The following PDE10A variants were observed in gnomAD, a reference collection of about 807,000 sequenced individuals.
PDE10A encodes cAMP and cAMP-inhibited cGMP 3',5'-cyclic phosphodiesterase 10A.
In PDE10A, 39 loss-of-function variants were observed where a neutral mutation model predicts 97.7. That is an observed-to-expected ratio of 0.40 (90% CI 0.31 to 0.52). PDE10A has a LOEUF of 0.52. PDE10A is among the 20% of genes least tolerant of loss of function. PDE10A has a pLI of 0.56. For missense variants in PDE10A, 731 were observed against 1,047.8 expected (o/e 0.70, Z 4.17); for synonymous variants, 371 against 376.8 (o/e 0.98, Z 0.18).
At chr6:165,791,293 G>A (rs1204740569) in intron 1 of PDE10A, among the ~76,000 whole-genome samples, 1 of 151,928 alleles carries the variant, frequency 6.6e-6, no homozygotes, top group Non-Finnish European at 1.5e-5. Context: ...TCACACCAGT[G>A]AGATCACACA....
chr6:165,749,116 G>T (rs1792907998), intron 1 of PDE10A, among the ~76,000 whole-genome samples: 1 of 91,030 alleles, frequency 1.1e-5, no homozygotes, highest in African/African-American at 3.9e-5. Flanking sequence ...CGTAAGGAGA[G>T]ATTTTGGCAC....
At chr6:165,389,263 A>G (rs1194492427) in intron 16 of PDE10A, among the ~76,000 whole-genome samples, 1 of 152,190 alleles carries the variant, frequency 6.6e-6, no homozygotes, top group African/African-American at 2.4e-5. Flanking sequence ...TTATATATTT[A>G]CAAGATTATT....
chr6:165,618,989 G>GTAGTCTAGTC (rs1327942515), intron 1 of PDE10A, among the ~76,000 whole-genome samples: 7 of 139,890 alleles, frequency 5.0e-5, no homozygotes, highest in Non-Finnish European at 1.1e-4. Flanking sequence ...CTAGTGTAGT[G>GTAGTCTAGTC]TAGTCTAGTG....
At chr6:165,657,583 A>C (rs1790030410) in intron 1 of PDE10A, among the ~76,000 whole-genome samples, 1 of 152,224 alleles carries the variant, frequency 6.6e-6, no homozygotes, top group Non-Finnish European at 1.5e-5. Context: ...TGACTGTTGC[A>C]CTGAGTTTTT....
chr6:165,805,113 G>A (rs1345727095), intron 1 of PDE10A, among the ~76,000 whole-genome samples: 11 of 149,320 alleles, frequency 7.4e-5, no homozygotes, highest in Non-Finnish European at 1.6e-4. Context: ...GAGCAGAGGG[G>A]CGCATGGAGG....
At chr6:165,442,148 T>C (rs1053764888) in intron 5 of PDE10A, among the ~76,000 whole-genome samples, 1 of 152,224 alleles carries the variant, frequency 6.6e-6, no homozygotes, top group African/African-American at 2.4e-5. Flanking sequence ...GGTTTAATTT[T>C]TTTTATTATT....
chr6:165,354,891 C>T (rs1782928058), intron 18 of PDE10A, among the ~76,000 whole-genome samples: 1 of 152,166 alleles, frequency 6.6e-6, no homozygotes, highest in Non-Finnish European at 1.5e-5. Context: ...CAAAGAATGG[C>T]TTGTGTTAGG....
At chr6:165,606,738 C>G (rs1385667674) in intron 1 of PDE10A, among the ~76,000 whole-genome samples, 2 of 152,118 alleles carry the variant, frequency 1.3e-5, no homozygotes, top group Non-Finnish European at 2.9e-5. Context: ...TAAAAAAGGT[C>G]AACAGATAAA....
chr6:165,933,387 A>G (rs192741270), intron 1 of PDE10A, among the ~76,000 whole-genome samples: 13 of 152,286 alleles, frequency 8.5e-5, no homozygotes, highest in African/African-American at 2.6e-4. Context: ...ACGTCCATTC[A>G]TTAATAAATT....
intron 2 of PDE10A, among the ~76,000 whole-genome samples, chr6:165,531,035 C>G (rs1391800666): frequency 6.6e-6 from 1 of 152,140 alleles, no homozygotes; most frequent in East Asian, 1.9e-4. Flanking sequence ...TACATGGGAG[C>G]CTTTCCATCA....
At chr6:165,688,540 T>G (rs754690058) in intron 1 of PDE10A, among the ~76,000 whole-genome samples, 2 of 152,194 alleles carry the variant, frequency 1.3e-5, no homozygotes, top group African/African-American at 4.8e-5. Context: ...TGGGGCTTCA[T>G]GACATGGTGC....
chr6:165,750,504 A>C (rs1296755983), intron 1 of PDE10A, among the ~76,000 whole-genome samples: 1 of 152,110 alleles, frequency 6.6e-6, no homozygotes, highest in Non-Finnish European at 1.5e-5. Flanking sequence ...CATTGACACT[A>C]AGCCTGGACC....
intron 5 of PDE10A, among the ~76,000 whole-genome samples, chr6:165,439,421 A>C (rs1790271095): frequency 6.6e-6 from 1 of 152,188 alleles, no homozygotes; most frequent in Non-Finnish European, 1.5e-5. Context: ...AGCCACCTCT[A>C]TCATTTCCAA....
intron 13 of PDE10A, among the ~76,000 whole-genome samples, chr6:165,398,572 T>C (rs1467659234): frequency 6.6e-6 from 1 of 152,174 alleles, no homozygotes; most frequent in Non-Finnish European, 1.5e-5. Context: ...ACTACTAATA[T>C]GTTTGGTTGA....
intron 13 of PDE10A, among the ~76,000 whole-genome samples, chr6:165,410,658 T>C (rs2128225974): frequency 6.6e-6 from 1 of 152,150 alleles, no homozygotes; most frequent in East Asian, 1.9e-4. Context: ...ACCTTTCAAG[T>C]GCAGACGGTT....
intron 1 of PDE10A, among the ~76,000 whole-genome samples, chr6:165,927,680 T>TATATATAC (rs60860187): frequency 2.0e-5 from 1 of 50,936 alleles, no homozygotes; most frequent in African/African-American, 8.3e-5. Context: ...ATATATATAG[T>TATATATAC]TTTTTGTTTG....
chr6:165,341,609 G>A (rs573690120), intron 19 of PDE10A, among the ~76,000 whole-genome samples: 1 of 152,240 alleles, frequency 6.6e-6, no homozygotes, highest in East Asian at 1.9e-4. Flanking sequence ...CCTTACACGG[G>A]ATTCATTTAT....
At chr6:165,335,917 A>C (rs545426644) in intron 21 of PDE10A, among the ~76,000 whole-genome samples, 2 of 152,150 alleles carry the variant, frequency 1.3e-5, no homozygotes, top group Non-Finnish European at 2.9e-5. Flanking sequence ...AAGGTGCCTG[A>C]GGCTCGTCTT....
intron 1 of PDE10A, among the ~76,000 whole-genome samples, chr6:165,958,718 A>AAGAAG (rs1784259210): frequency 8.6e-5 from 1 of 11,652 alleles, no homozygotes; most frequent in Non-Finnish European, 1.4e-4. Context: ...GAAAGAGAGA[A>AAGAAG]GAAAGAAAGA....
Sources: gnomAD v4.1 joint callset for allele counts (sites outside exome capture counted in the v4.1 genomes callset) on GRCh38, gnomAD v4.1.1 for gene constraint, MANE v1.5 for transcripts, NCBI Gene and HGNC (gene_info 2026-07-23, HGNC 2026-07-21) for gene names.